AKIRIN2: variants seen among roughly 807,000 people sequenced by gnomAD.
The protein encoded by AKIRIN2 is akirin-2.
Under a neutral mutation model 29.3 loss-of-function variants are expected in AKIRIN2, and 6 were observed. The ratio of observed to expected loss-of-function variants is 0.20; its 90% confidence interval spans 0.11 to 0.40. The LOEUF (loss-of-function observed/expected upper bound fraction) is 0.40, where lower values mean the gene tolerates loss of function less well. Among genes scored for constraint, AKIRIN2 ranks in the 10% least tolerant of loss-of-function variants. The pLI, the probability that AKIRIN2 is intolerant of heterozygous loss-of-function variation, is 1.00. For synonymous variants in AKIRIN2, 128 were observed against 117.5 expected (o/e 1.09, Z -0.58); for missense variants, 210 against 276.1 (o/e 0.76, Z 1.70).
chr6:87,677,738 A>G, intron 3 of AKIRIN2, 80 bp downstream of exon 3: 1 of 1,491,598 alleles, frequency 6.7e-7, no homozygotes, highest in Non-Finnish European at 9.1e-7. Context: ...CAGTGTATAG[A>G]AAGTGAAATT....
chr6:87,680,170 C>T lies in AKIRIN2; in HGVS notation c.379+1450G>A, dbSNP rs114277878. ...AATACAGTCTAGTGCCCAACCCTCA[C>T]CTCTATGTTTCAACCACTAATACCT... On this transcript the variant is annotated intron_variant, in intron 2 of 4. Transcript: ENST00000257787. Among the ~76,000 whole-genome samples the T allele has an allele frequency of 6.7e-3, 1,014 of 152,282 alleles. 8 individuals carry two copies. Among genetic ancestry groups the T allele is most frequent in the African/African-American group, 0.023 (961 of 41,552 alleles).
intron 2 of AKIRIN2, 80 bp downstream of exon 2, chr6:87,681,540 T>G: frequency 1.4e-6 from 2 of 1,411,868 alleles, no homozygotes; most frequent in Non-Finnish European, 1.9e-6. Flanking sequence ...ATACAGTAGC[T>G]TAAATGACTA....
chr6:87,683,822 T>C (rs1259258202), intron 1 of AKIRIN2, among the ~76,000 whole-genome samples: 5 of 152,202 alleles, frequency 3.3e-5, no homozygotes, highest in South Asian at 2.1e-4. Flanking sequence ...CCCAGCTAAA[T>C]TGTATTTTTG....
At chr6:87,675,659 C>A (rs373274645) in intron 4 of AKIRIN2, 52 bp from the exon 5 acceptor site, 2 of 1,604,026 alleles carry the variant, frequency 1.2e-6, no homozygotes, top group South Asian at 1.1e-5. Flanking sequence ...AAAATCCAAA[C>A]GAATACTAGA....
chr6:87,687,788 T>A (rs1438711062), intron 1 of AKIRIN2, among the ~76,000 whole-genome samples: 2 of 152,210 alleles, frequency 1.3e-5, no homozygotes, highest in African/African-American at 2.4e-5. Context: ...GCTATTGTTA[T>A]GTAGCTCTTA....
intron 3 of AKIRIN2, 56 bp from the exon 4 acceptor site, chr6:87,675,987 T>TA (rs1770967353): frequency 6.8e-7 from 1 of 1,468,662 alleles, no homozygotes; most frequent in Middle Eastern, 2.1e-4. Flanking sequence ...TAGAGCCAGA[T>TA]AAACTGAAAA....
At chr6:87,700,815 C>T (rs901127147) in intron 1 of AKIRIN2, 2 of 154,772 alleles carry the variant, frequency 1.3e-5, no homozygotes, top group African/African-American at 4.8e-5. Context: ...TTACAGTACT[C>T]GGGAAGAGCA....
rs1474360888 is a variant in AKIRIN2, at chr6:87,675,318, T to C, written c.*279A>G. 6.1e-6 allele frequency: 3 copies of C among 489,570 alleles called. No individual in the cohort carries two copies. The highest frequency in any genetic ancestry group is 1.1e-5 in the Non-Finnish European group (3 of 273,528). 30.3% of individuals were successfully genotyped at this position (489,570 alleles called of 1,614,324 possible). A position where few individuals can be genotyped will look rare whatever the true frequency, so the allele number is the denominator to read the frequency against. ...GCATGTTCTAGAATACCAGCTTTAATCCTTTTCAAACATTAATATAAGAAG... is the reference window on the plus strand; with the variant it reads ...GCATGTTCTAGAATACCAGCTTTAACCCTTTTCAAACATTAATATAAGAAG... On this transcript the variant is annotated 3_prime_UTR_variant, in exon 5 of 5. Coordinates refer to ENST00000257787, the MANE Select transcript of AKIRIN2 (RefSeq NM_018064.4).
chr6:87,702,185 G>A lies in AKIRIN2; in HGVS notation c.-501C>T, dbSNP rs1396762843. The A allele has an allele frequency of 1.0e-5, 4 of 398,152 alleles. No homozygotes were observed. Among genetic ancestry groups the A allele is most frequent in the East Asian group, 3.6e-5 (1 of 28,076 alleles). 24.7% of individuals were successfully genotyped at this position (398,152 alleles called of 1,614,324 possible). The stretch of plus-strand genomic sequence containing the variant: ...AGATTGCGAGGTAGCTGCCGCAGCA[G>A]GAACCCAAGCGAACACGTCCAACCG... On this transcript the variant is annotated 5_prime_UTR_variant, in exon 1 of 5. Coordinates refer to ENST00000257787, the MANE Select transcript of AKIRIN2 (RefSeq NM_018064.4).
At chr6:87,678,855 G>A (rs972214270) in intron 2 of AKIRIN2, among the ~76,000 whole-genome samples, 6 of 152,154 alleles carry the variant, frequency 3.9e-5, no homozygotes, top group African/African-American at 9.6e-5. Flanking sequence ...AAGAAAATAC[G>A]CCGGGCATGG....
Position 87,678,790 on chromosome 6 carries a change from G to A in AKIRIN2, c.380-823C>T, listed in dbSNP as rs375838901. 1.3e-3 allele frequency among the ~76,000 whole-genome samples: 205 copies of A among 152,158 alleles called. 8 individuals carry two copies. The South Asian group carries it at 0.041, about 30-fold the overall frequency. ...TTAAGAGCCTACACACAATGAACTG[G>A]TAATTATTCTACCATCATTTCACAC... is the stretch of plus-strand genomic sequence containing the variant. On this transcript the variant is annotated intron_variant, in intron 2 of 4. Transcript: ENST00000257787.
Position 87,701,485 on chromosome 6 carries a change from G to C in AKIRIN2, c.200C>G (p.Ser67Cys). 2 of 1,506,490 alleles carry C rather than the reference G, an allele frequency of 1.3e-6. No individual in the cohort carries two copies. The highest frequency in any genetic ancestry group is 1.8e-6 in the Non-Finnish European group (2 of 1,132,388). The allele number at this position is 1,506,490 out of a possible 1,614,324, so 93.3% of individuals were successfully genotyped here. A position where few individuals can be genotyped will look rare whatever the true frequency, so the allele number is the denominator to read the frequency against. Residue 67 changes from serine to cysteine, a missense_variant, in exon 1 of 5, where the codon TCC becomes TGC. By Grantham distance (112) the Ser-to-Cys change is moderately radical. This residue lies in a region of AKIRIN2 where 199 missense variants were observed against 236.5 expected (regional missense o/e 0.84). Coordinates refer to ENST00000257787, the MANE Select transcript of AKIRIN2 (RefSeq NM_018064.4). ...SPQKYLRMEP[S>C]PFGDVSSRLT... is the part of the protein sequence containing the mutation. ...GCGGGAGGAGACGTCGCCGAAGGGGGATGGCTCCATTCGGAGATACTTCTG... is the reference window on the plus strand; with the variant it reads ...GCGGGAGGAGACGTCGCCGAAGGGGCATGGCTCCATTCGGAGATACTTCTG...
chr6:87,687,460 A>G (rs891832227), intron 1 of AKIRIN2, among the ~76,000 whole-genome samples: 8 of 150,632 alleles, frequency 5.3e-5, no homozygotes, highest in African/African-American at 1.5e-4. Flanking sequence ...AAAAAAACAC[A>G]CTACTTGGAG....
At chr6:87,701,411 T>C (rs1219307161) in intron 1 of AKIRIN2, 39 bp downstream of exon 1, 1 of 1,529,080 alleles carries the variant, frequency 6.5e-7, no homozygotes, top group South Asian at 1.2e-5. Flanking sequence ...TGTTCCCAGT[T>C]CTCTCCACTA....
intron 1 of AKIRIN2, among the ~76,000 whole-genome samples, chr6:87,683,951 C>A (rs1373868314): frequency 6.6e-6 from 1 of 152,176 alleles, no homozygotes; most frequent in Non-Finnish European, 1.5e-5. Flanking sequence ...CGTGCCCAGC[C>A]ATTCTATTTT....
chr6:87,695,893 A>C (rs1201503703), intron 1 of AKIRIN2, among the ~76,000 whole-genome samples: 1 of 151,708 alleles, frequency 6.6e-6, no homozygotes, highest in Non-Finnish European at 1.5e-5. Context: ...AGCAGAAAAA[A>C]CCTGCCGGGC....
At chr6:87,692,206 G>T (rs953435552) in intron 1 of AKIRIN2, among the ~76,000 whole-genome samples, 1 of 152,206 alleles carries the variant, frequency 6.6e-6, no homozygotes, top group East Asian at 1.9e-4. Context: ...GGCAGGCTTA[G>T]TCACTGAAAG....
At chr6:87,696,428 G>A (rs1399051806) in intron 1 of AKIRIN2, among the ~76,000 whole-genome samples, 1 of 151,302 alleles carries the variant, frequency 6.6e-6, no homozygotes, top group African/African-American at 2.4e-5. Context: ...GGAGCTGGGC[G>A]CAGTGGCTCA....
At chr6:87,692,408 C>CATGG (rs1440240627) in intron 1 of AKIRIN2, among the ~76,000 whole-genome samples, 1 of 152,208 alleles carries the variant, frequency 6.6e-6, no homozygotes, top group Non-Finnish European at 1.5e-5. Context: ...ACGGCTTGAA[C>CATGG]ATGGCAGAGC....
Sources: allele counts gnomAD v4.1 joint callset (sites outside exome capture counted in the v4.1 genomes callset), GRCh38; gene constraint gnomAD v4.1.1; regional missense constraint gnomAD v4.1.1; transcripts MANE v1.5; gene names NCBI Gene and HGNC (gene_info 2026-07-23, HGNC 2026-07-21).